The following TMEM108 variants were observed in gnomAD, a reference collection of about 807,000 sequenced individuals.
The protein encoded by TMEM108 is cancer/testis antigen 124.
Under a neutral mutation model 35.1 loss-of-function variants are expected in TMEM108, and 12 were observed. The ratio of observed to expected loss-of-function variants is 0.34; its 90% CI spans 0.22 to 0.55. TMEM108 has a LOEUF of 0.55. Ranked by LOEUF, TMEM108 falls within the 20% of genes least tolerant of loss-of-function variation. The probability of loss-of-function intolerance (pLI) is 0.89; values close to 1 mark genes in which losing one functional copy is unlikely to be tolerated. For synonymous variants in TMEM108, 287 were observed against 308.6 expected, an observed-to-expected ratio of 0.93 and a Z score of 0.73; for missense variants, 680 against 753.3, an observed-to-expected ratio of 0.90 and a Z score of 1.14.
At chr3:133,208,101 G>A (rs1945784824) in intron 2 of TMEM108, among the ~76,000 whole-genome samples, 1 of 152,190 alleles carries the variant, frequency 6.6e-6, no homozygotes, top group Non-Finnish European at 1.5e-5. Context: ...AGAAATTCCT[G>A]TGTGTAAAGC....
chr3:133,057,479 A>ATC (rs1559818486), intron 2 of TMEM108, among the ~76,000 whole-genome samples: 11 of 73,140 alleles, frequency 1.5e-4, no homozygotes, highest in African/African-American at 4.5e-4. Flanking sequence ...ATATATATAT[A>ATC]TATATATGTG....
chr3:133,166,833 G>A (rs1945046216), intron 2 of TMEM108, among the ~76,000 whole-genome samples: 1 of 152,204 alleles, frequency 6.6e-6, no homozygotes, highest in African/African-American at 2.4e-5. Context: ...GTGGGTTGCT[G>A]CTGCTGGCTT....
At chr3:133,070,877 C>A (rs1397081253) in intron 2 of TMEM108, among the ~76,000 whole-genome samples, 1 of 151,904 alleles carries the variant, frequency 6.6e-6, no homozygotes, top group Non-Finnish European at 1.5e-5. Context: ...ACTGCAGCTG[C>A]TCTGAATGTT....
At chr3:133,166,889 C>T (rs1945047887) in intron 2 of TMEM108, among the ~76,000 whole-genome samples, 1 of 152,228 alleles carries the variant, frequency 6.6e-6, no homozygotes, top group African/African-American at 2.4e-5. Context: ...CCACATCCTG[C>T]TCATTGGCCC....
chr3:133,058,408 G>A (rs184218626), intron 2 of TMEM108, among the ~76,000 whole-genome samples: 19 of 152,354 alleles, frequency 1.2e-4, no homozygotes, highest in Admixed American at 1.1e-3. Context: ...TCCTCTTCAA[G>A]CCTCAGACGG....
intron 3 of TMEM108, among the ~76,000 whole-genome samples, chr3:133,344,683 A>G (rs2071763266): frequency 6.6e-6 from 1 of 151,796 alleles, no homozygotes; most frequent in South Asian, 2.1e-4. Flanking sequence ...AAATAATAAA[A>G]TGTGCACCTT....
intron 2 of TMEM108, among the ~76,000 whole-genome samples, chr3:133,056,108 A>T (rs1017672231): frequency 8.3e-6 from 1 of 120,582 alleles, no homozygotes; most frequent in African/African-American, 3.5e-5. Context: ...CTTTGCCTCA[A>T]TTCTTATATC....
intron 5 of TMEM108, 30 bp downstream of exon 5, chr3:133,390,364 G>A: frequency 6.2e-7 from 1 of 1,611,276 alleles, no homozygotes; most frequent in South Asian, 1.1e-5. Flanking sequence ...TGGCCCCACT[G>A]CAGGGAAACC....
At chr3:133,177,382 A>G (rs1171272396) in intron 2 of TMEM108, among the ~76,000 whole-genome samples, 2 of 152,262 alleles carry the variant, frequency 1.3e-5, no homozygotes, top group Non-Finnish European at 2.9e-5. Context: ...TTTTAGACCA[A>G]TATCCCTGAT....
At chr3:133,328,773 T>A (rs2071360649) in intron 3 of TMEM108, among the ~76,000 whole-genome samples, 1 of 152,176 alleles carries the variant, frequency 6.6e-6, no homozygotes, top group South Asian at 2.1e-4. Flanking sequence ...TTACTTTTAG[T>A]TTCCAAGTTT....
At chr3:133,065,123 T>G (rs1943579920) in intron 2 of TMEM108, among the ~76,000 whole-genome samples, 1 of 152,226 alleles carries the variant, frequency 6.6e-6, no homozygotes, top group Non-Finnish European at 1.5e-5. Context: ...AAAGTCACAA[T>G]GATGTGATCC....
At chr3:133,127,779 G>A (rs1355070604) in intron 2 of TMEM108, among the ~76,000 whole-genome samples, 1 of 152,132 alleles carries the variant, frequency 6.6e-6, no homozygotes, top group Non-Finnish European at 1.5e-5. Context: ...CCTTAGTGTA[G>A]CATTCAAATG....
chr3:133,381,683 CTCTT>C (rs1298083753), intron 4 of TMEM108, among the ~76,000 whole-genome samples: 1 of 152,218 alleles, frequency 6.6e-6, no homozygotes, highest in South Asian at 2.1e-4. Flanking sequence ...ATCTTCCATC[CTCTT>C]TCTTGTGTTT....
At chr3:133,089,201 A>G (rs1052969776) in intron 2 of TMEM108, among the ~76,000 whole-genome samples, 9 of 152,108 alleles carry the variant, frequency 5.9e-5, no homozygotes, top group African/African-American at 2.2e-4. Flanking sequence ...CTCCTCTAAC[A>G]TTGGGGATTA....
At position 133,056,888 on chromosome 3, in the gene TMEM108, G is replaced by A. The variant is rs187402824; in HGVS notation, c.-47+10868G>A. Among the ~76,000 whole-genome samples the A allele has an allele frequency of 2.7e-3, 410 of 152,248 alleles. 2 individuals carry two copies. Among genetic ancestry groups the A allele is most frequent in the Admixed American group, 7.4e-3 (113 of 15,286 alleles). On this transcript the variant is annotated intron_variant, in intron 2 of 5. Transcript: ENST00000321871. ...CCTTTCATGTAAAGTGAGATTTATC[G>A]TGAACGTCGAATGCTCTGATTGCAA...
chr3:133,277,231 C>A (rs1035217415), intron 3 of TMEM108, among the ~76,000 whole-genome samples: 1 of 151,976 alleles, frequency 6.6e-6, no homozygotes, highest in Admixed American at 6.6e-5. Context: ...AGTTTCTGAT[C>A]ATAATTGTAC....
intron 2 of TMEM108, among the ~76,000 whole-genome samples, chr3:133,202,156 T>A (rs1316125649): frequency 7.5e-6 from 1 of 134,222 alleles, no homozygotes; most frequent in Admixed American, 7.9e-5. Flanking sequence ...TGTTTTTATT[T>A]CCTTATAAAT....
intron 3 of TMEM108, among the ~76,000 whole-genome samples, chr3:133,267,080 C>A (rs911870201): frequency 3.3e-3 from 380 of 115,602 alleles, no homozygotes; most frequent in Middle Eastern, 9.5e-3. Context: ...GACTCCACCT[C>A]AAAAAAAAAA....
intron 3 of TMEM108, among the ~76,000 whole-genome samples, chr3:133,352,883 C>A (rs1436068086): frequency 6.6e-6 from 1 of 152,168 alleles, no homozygotes; most frequent in Non-Finnish European, 1.5e-5. Flanking sequence ...AACTCAACTT[C>A]TAACCCCTCT....
Sources: allele counts gnomAD v4.1 joint callset (sites outside exome capture counted in the v4.1 genomes callset), GRCh38; gene constraint gnomAD v4.1.1; transcripts MANE v1.5; gene names NCBI Gene and HGNC (gene_info 2026-07-23, HGNC 2026-07-21).